Variants in PVT1 observed in about 807,000 individuals in gnomAD.
The protein encoded by PVT1 is Pvt1 oncogene.
At chr8:128,089,891 T>C (rs1288167237) in intron 5 of PVT1, among the ~76,000 whole-genome samples, 1 of 152,234 alleles carries the variant, frequency 6.6e-6, no homozygotes, top group African/African-American at 2.4e-5. Flanking sequence ...CGCTAGGGCC[T>C]CACCCACTAG....
At chr8:127,796,880 T>C (rs1258579087) in intron 2 of PVT1, among the ~76,000 whole-genome samples, 3 of 147,932 alleles carry the variant, frequency 2.0e-5, no homozygotes, top group East Asian at 1.9e-4. Context: ...TGTTTTGCTT[T>C]TTTTTTTTTT....
intron 5 of PVT1, among the ~76,000 whole-genome samples, chr8:128,087,770 T>TTTTGG (rs370583568): frequency 8.7e-6 from 1 of 115,592 alleles, no homozygotes; most frequent in Admixed American, 9.4e-5. Context: ...TTTTTTTTTT[T>TTTTGG]GAGATGGAGT....
chr8:127,807,003 G>A (rs1320151532), intron 2 of PVT1, among the ~76,000 whole-genome samples: 1 of 152,222 alleles, frequency 6.6e-6, no homozygotes, highest in Non-Finnish European at 1.5e-5. Context: ...CAACGTGCCA[G>A]AAATAGGATG....
At chr8:128,073,269 C>T (rs954915018) in intron 5 of PVT1, among the ~76,000 whole-genome samples, 19 of 152,110 alleles carry the variant, frequency 1.2e-4, no homozygotes, top group Non-Finnish European at 1.6e-4. Flanking sequence ...CTTGGGAGCA[C>T]GTTTTAACCT....
At chr8:127,984,832 TTTTCTTTTCTTTCTTTCTTTC>T (rs1816926235) in intron 3 of PVT1, among the ~76,000 whole-genome samples, 1 of 123,620 alleles carries the variant, frequency 8.1e-6, no homozygotes, top group Non-Finnish European at 1.8e-5. Flanking sequence ...GGTTTCTTTC[TTTTCTTTTCTTTCTTTCTTTC>T]TTTCTTTCTT....
chr8:127,873,633 G>A (rs1243964440), intron 2 of PVT1, among the ~76,000 whole-genome samples: 1 of 152,156 alleles, frequency 6.6e-6, no homozygotes, highest in Non-Finnish European at 1.5e-5. Context: ...TTCTGAGAAG[G>A]AAGGTGAAAC....
rs188501984 is a variant in PVT1, at chr8:128,000,802, G to A, written n.912+11511G>A. On this transcript the variant is annotated intron_variant and non_coding_transcript_variant, in intron 4 of 10. Transcript: ENST00000651587. ...CGTTGTGCTACTATCAGAGATGACA[G>A]CCCAGCCTGGAGCTCTGCAAGGTCC... Among the ~76,000 whole-genome samples the A allele has an allele frequency of 7.9e-5, 12 of 152,292 alleles. No homozygotes were observed. The East Asian group carries it at 2.3e-3, about 29-fold the overall frequency.
At chr8:127,904,616 C>T (rs947253664) in intron 3 of PVT1, among the ~76,000 whole-genome samples, 1 of 152,130 alleles carries the variant, frequency 6.6e-6, no homozygotes, top group African/African-American at 2.4e-5. Context: ...CGTGGCCCTC[C>T]GTTAGGGGGA....
intron 2 of PVT1, among the ~76,000 whole-genome samples, chr8:127,826,961 C>T (rs1814795517): frequency 6.6e-6 from 1 of 151,202 alleles, no homozygotes; most frequent in Non-Finnish European, 1.5e-5. Context: ...GGATCCTGGC[C>T]ACAGGGCTTT....
At chr8:127,918,244 C>T (rs928303109) in intron 3 of PVT1, among the ~76,000 whole-genome samples, 1 of 152,138 alleles carries the variant, frequency 6.6e-6, no homozygotes, top group Non-Finnish European at 1.5e-5. Flanking sequence ...GGAGACAAGT[C>T]CTGACTTTCC....
chr8:127,934,309 G>A (rs1586443400), intron 3 of PVT1, among the ~76,000 whole-genome samples: 1 of 152,196 alleles, frequency 6.6e-6, no homozygotes, highest in African/African-American at 2.4e-5. Context: ...TCTTGGTAAA[G>A]GTGATAAATA....
intron 4 of PVT1, among the ~76,000 whole-genome samples, chr8:128,017,066 G>T (rs145710100): frequency 6.6e-6 from 1 of 152,086 alleles, no homozygotes; most frequent in African/African-American, 2.4e-5. Flanking sequence ...ATCAGAGAGG[G>T]GCTCTTGGAG....
At chr8:127,808,959 G>A (rs1250024915) in intron 2 of PVT1, among the ~76,000 whole-genome samples, 2 of 148,076 alleles carry the variant, frequency 1.4e-5, no homozygotes, top group Non-Finnish European at 3.0e-5. Flanking sequence ...GAACCCGGGA[G>A]GCGGAGGTTG....
chr8:127,959,586 GAAAAAAAAAA>G (rs34255005), intron 3 of PVT1, among the ~76,000 whole-genome samples: 2 of 76,504 alleles, frequency 2.6e-5, no homozygotes, highest in East Asian at 4.3e-4. Flanking sequence ...TCTGTCTCAG[GAAAAAAAAAA>G]AAAAAAAAAA....
At chr8:128,088,392 T>C (rs1239024168) in intron 5 of PVT1, among the ~76,000 whole-genome samples, 1 of 152,174 alleles carries the variant, frequency 6.6e-6, no homozygotes, top group Non-Finnish European at 1.5e-5. Context: ...TTACCTTCAC[T>C]TTCAGCAGCA....
chr8:127,885,239 C>G (rs1474211396), intron 2 of PVT1, among the ~76,000 whole-genome samples: 1 of 151,964 alleles, frequency 6.6e-6, no homozygotes, highest in East Asian at 1.9e-4. Context: ...CTTGCAGGAG[C>G]CTCTTCCATT....
In PVT1 at chr8:127,984,917, CTTT is replaced by C. The variant is rs1563657641; in HGVS notation, n.783-4244_783-4242del. On this transcript the variant is annotated intron_variant and non_coding_transcript_variant, in intron 3 of 10. Transcript: ENST00000651587. Reference sequence around the variant, plus strand: ...TCTTTCTTTCTTTCTTTCTTTCTTTCTTTCTCTTTCTCTTTCTTTCTTTCTTTC... The same window carrying C: ...TCTTTCTTTCTTTCTTTCTTTCTTTCCTCTTTCTCTTTCTTTCTTTCTTTC... Among the ~76,000 whole-genome samples the C allele has an allele frequency of 1.8e-3, 215 of 121,862 alleles. 10 individuals carry two copies. Among genetic ancestry groups the C allele is most frequent in the African/African-American group, 2.9e-3 (79 of 27,128 alleles). The allele number at this position is 121,862 out of a possible 152,430, so 79.9% of individuals were successfully genotyped here. A position where few individuals can be genotyped will look rare whatever the true frequency, so the allele number is the denominator to read the frequency against.
chr8:128,018,526 T>G (rs1203077019), intron 4 of PVT1, among the ~76,000 whole-genome samples: 1 of 152,008 alleles, frequency 6.6e-6, no homozygotes, highest in African/African-American at 2.4e-5. Flanking sequence ...AGGAAAAGAG[T>G]GCTGGAGAAA....
intron 3 of PVT1, among the ~76,000 whole-genome samples, chr8:127,988,545 C>T (rs1344528654): frequency 1.3e-5 from 2 of 152,204 alleles, no homozygotes; most frequent in African/African-American, 4.8e-5. Flanking sequence ...CCTCATCTAG[C>T]CATCTTGATG....
Sources: allele counts gnomAD v4.1 joint callset (sites outside exome capture counted in the v4.1 genomes callset), GRCh38; gene constraint gnomAD v4.1.1; transcripts MANE v1.5; gene names NCBI Gene and HGNC (gene_info 2026-07-23, HGNC 2026-07-21).